SPICE1: variants seen among roughly 807,000 people sequenced by gnomAD.
SPICE1 encodes spindle and centriole-associated protein 1.
A neutral mutation model predicts 102.7 loss-of-function variants in SPICE1; 75 were observed. That is an observed-to-expected ratio of 0.73 (90% CI 0.61 to 0.88). The LOEUF (loss-of-function observed/expected upper bound fraction) is 0.88. Ranked by LOEUF, SPICE1 falls within the 40% of genes least tolerant of loss-of-function variation. The probability of loss-of-function intolerance (pLI) is 0.00; values close to 1 mark genes in which losing one functional copy is unlikely to be tolerated. For synonymous variants in SPICE1, 308 were observed against 350.3 expected, an observed-to-expected ratio of 0.88 and a Z score of 1.35; for missense variants, 979 against 1,020.1, an observed-to-expected ratio of 0.96 and a Z score of 0.55.
At chr3:113,461,838 G>A (rs1431905372) in intron 11 of SPICE1, among the ~76,000 whole-genome samples, 3 of 152,074 alleles carry the variant, frequency 2.0e-5, no homozygotes, top group African/African-American at 7.2e-5. Context: ...TAACAGTACT[G>A]CTGAATGAAG....
intron 1 of SPICE1, among the ~76,000 whole-genome samples, chr3:113,509,504 T>C (rs1466663048): frequency 6.6e-6 from 1 of 152,162 alleles, no homozygotes; most frequent in East Asian, 1.9e-4. Flanking sequence ...ATATAGGCAT[T>C]ATTAATAAAG....
At position 113,460,766 on chromosome 3, in the gene SPICE1, TG is replaced by T; in HGVS notation, c.1288-3del. 1 of 1,586,994 alleles carries T rather than the reference TG, an allele frequency of 6.3e-7. No individual in the cohort carries two copies. On this transcript the variant is annotated splice_region_variant and splice_polypyrimidine_tract_variant and intron_variant, in intron 11 of 17. Transcript: ENST00000295872. ...GACCATGTACTGCTGAAGTCTTGCC[TG>T]GGGAGGAAAACATATGAAATAATAT...
chr3:113,511,282 A>G (rs1372817395), intron 1 of SPICE1, among the ~76,000 whole-genome samples: 4 of 152,248 alleles, frequency 2.6e-5, no homozygotes, highest in South Asian at 2.1e-4. Flanking sequence ...AGGAAAATAA[A>G]TCATTCAATT....
chr3:113,452,852 C>G (rs567560840), intron 14 of SPICE1, among the ~76,000 whole-genome samples: 1 of 152,164 alleles, frequency 6.6e-6, no homozygotes, highest in African/African-American at 2.4e-5. Context: ...GTGGTGCATG[C>G]CTGTAATCCC....
chr3:113,448,612 T>A (rs1278804235), intron 15 of SPICE1, among the ~76,000 whole-genome samples: 1 of 152,186 alleles, frequency 6.6e-6, no homozygotes, highest in Non-Finnish European at 1.5e-5. Flanking sequence ...GAGCTCCATA[T>A]GGCCAATAGC....
chr3:113,491,624 CAAAAAAAA>C (rs869171154), intron 6 of SPICE1, among the ~76,000 whole-genome samples: 2 of 38,102 alleles, frequency 5.2e-5, no homozygotes, highest in African/African-American at 1.7e-4. Flanking sequence ...GACTCCGTCT[CAAAAAAAA>C]AAAAAAAAAA....
intron 7 of SPICE1, among the ~76,000 whole-genome samples, chr3:113,476,914 C>T (rs1576634548): frequency 6.6e-6 from 1 of 152,104 alleles, no homozygotes; most frequent in South Asian, 2.1e-4. Flanking sequence ...GCAATGGCAA[C>T]AAAGCCAAAA....
chr3:113,470,115 T>C (rs1936160560), intron 7 of SPICE1, among the ~76,000 whole-genome samples: 1 of 152,230 alleles, frequency 6.6e-6, no homozygotes, highest in African/African-American at 2.4e-5. Context: ...TTCAACTGTC[T>C]CATTTGTCTA....
chr3:113,470,348 A>G (rs1229250059), intron 7 of SPICE1, among the ~76,000 whole-genome samples: 2 of 152,222 alleles, frequency 1.3e-5, no homozygotes, highest in Non-Finnish European at 2.9e-5. Flanking sequence ...ACCTTTTGCT[A>G]GTTCTGAAGA....
At position 113,506,500 on chromosome 3, in the gene SPICE1, T is replaced by C; in HGVS notation, c.99+7A>G. The C allele has an allele frequency of 6.2e-7, 1 of 1,603,524 alleles. No individual in the cohort carries two copies. The highest frequency in any genetic ancestry group is 8.5e-7 in the Non-Finnish European group (1 of 1,171,114). ...GTTACATTATTTACTATCCCACCTA[T>C]ACTCACATCCCATTCTTGTTTCACT... On this transcript the variant is annotated splice_region_variant and intron_variant, in intron 2 of 17. Transcript: ENST00000295872.
At chr3:113,504,489 G>A (rs1937069053) in intron 2 of SPICE1, among the ~76,000 whole-genome samples, 1 of 149,616 alleles carries the variant, frequency 6.7e-6, no homozygotes, top group Non-Finnish European at 1.5e-5. Flanking sequence ...TACCCAGGAG[G>A]TTCAGGAGGC....
In SPICE1 at chr3:113,445,223, G is replaced by T; in HGVS notation, c.*84C>A. On this transcript the variant is annotated 3_prime_UTR_variant, in exon 18 of 18. Transcript: ENST00000295872. ...GGATCTTTGTAGGTTTTATCTGAAA[G>T]AAGGATATAAAAACTTAAAAGTCAG... 6 of 1,041,658 alleles carry T rather than the reference G, an allele frequency of 5.8e-6. No homozygotes were observed. Among genetic ancestry groups the T allele is most frequent in the Non-Finnish European group, 7.3e-6 (5 of 689,002 alleles). The allele number at this position is 1,041,658 out of a possible 1,614,324, so 64.5% of individuals were successfully genotyped here.
chr3:113,488,895 G>A (rs756932857), intron 7 of SPICE1, 50 bp downstream of exon 7: 6 of 1,046,188 alleles, frequency 5.7e-6, no homozygotes, highest in South Asian at 3.1e-5. Context: ...CATTGAAATG[G>A]CCATGGAAAA....
At chr3:113,511,867 G>T (rs1204965156) in intron 1 of SPICE1, among the ~76,000 whole-genome samples, 2 of 152,118 alleles carry the variant, frequency 1.3e-5, no homozygotes, top group East Asian at 3.8e-4. Context: ...AATAATAACA[G>T]GCAGAGCCAA....
At chr3:113,474,759 T>C (rs1936296174) in intron 7 of SPICE1, among the ~76,000 whole-genome samples, 1 of 151,734 alleles carries the variant, frequency 6.6e-6, no homozygotes, top group South Asian at 2.1e-4. Context: ...AGACACAACA[T>C]ACCAGAATCT....
At chr3:113,514,626 G>C (rs1173239004) in intron 1 of SPICE1, 1 of 492,344 alleles carries the variant, frequency 2.0e-6, no homozygotes, top group African/African-American at 2.0e-5. Flanking sequence ...CTTCTCTACT[G>C]GGTTAACTTC....
chr3:113,476,424 G>GA (rs552967752), intron 7 of SPICE1, among the ~76,000 whole-genome samples: 1 of 150,416 alleles, frequency 6.6e-6, no homozygotes, highest in African/African-American at 2.5e-5. Flanking sequence ...CACAGAATTG[G>GA]AAAAAACTAC....
rs1936410815 is a variant in SPICE1, at chr3:113,478,296, TATACAAGAGACATACTTA to T, written c.612-9076_612-9059del. Among the ~76,000 whole-genome samples, 3 of 152,238 alleles carry T rather than the reference TATACAAGAGACATACTTA, an allele frequency of 2.0e-5. No individual in the cohort carries two copies. In the South Asian group the frequency reaches 6.2e-4, roughly 32 times the overall value. ...CAAGGCAAGACTGAACTCTGCATTG[TATACAAGAGACATACTTA>T]ATACAAAATAATTCCAGAAGGCTAA... On this transcript the variant is annotated intron_variant, in intron 7 of 17. Coordinates refer to ENST00000295872, the MANE Select transcript of SPICE1 (RefSeq NM_144718.4).
chr3:113,448,163 A>G, intron 15 of SPICE1, 23 bp from the exon 16 acceptor site: 1 of 1,559,572 alleles, frequency 6.4e-7, no homozygotes, highest in Non-Finnish European at 8.7e-7. Flanking sequence ...AATAAATATT[A>G]GTTCCATTAC....
Sources: allele counts gnomAD v4.1 joint callset (sites outside exome capture counted in the v4.1 genomes callset), GRCh38; gene constraint gnomAD v4.1.1; transcripts MANE v1.5; gene names NCBI Gene and HGNC (gene_info 2026-07-23, HGNC 2026-07-21).